The following COPS2 variants were observed in gnomAD, a reference collection of about 807,000 sequenced individuals.
COPS2 encodes the protein COP9 signalosome subunit 2.
In COPS2, 10 loss-of-function variants were observed where a neutral mutation model predicts 66.1. The observed-to-expected ratio is 0.15, with a 90% CI of 0.09 to 0.26. COPS2 has a LOEUF of 0.26. Ranked by LOEUF, COPS2 falls within the 10% of genes least tolerant of loss-of-function variation. The pLI is 1.00. For synonymous variants in COPS2, 179 were observed against 171.3 expected (o/e 1.04, Z -0.35); for missense variants, 215 against 513.3 (o/e 0.42, Z 5.62).
At chr15:49,150,487 T>C (rs1232413143) in intron 1 of COPS2, among the ~76,000 whole-genome samples, 2 of 152,052 alleles carry the variant, frequency 1.3e-5, no homozygotes, top group Non-Finnish European at 2.9e-5. Context: ...GGATGACAAA[T>C]ACGAGAGTCT....
In COPS2 at chr15:49,126,668, T is replaced by TA. The variant is rs1257382881; in HGVS notation, c.*1281dup. On this transcript the variant is annotated 3_prime_UTR_variant, in exon 13 of 13. Coordinates refer to ENST00000388901, the MANE Select transcript of COPS2 (RefSeq NM_004236.4). ...ATGAGCTGAGTTCCTTTAAGGTAGT[T>TA]ACCTTGGAAGGCCACAGTTCATTCT... 3 of 152,140 alleles carry TA rather than the reference T, an allele frequency of 2.0e-5. No homozygotes were observed. Among genetic ancestry groups the TA allele is most frequent in the Non-Finnish European group, 4.4e-5 (3 of 67,970 alleles). 9.4% of individuals were successfully genotyped at this position (152,140 alleles called of 1,614,324 possible). A position where few individuals can be genotyped will look rare whatever the true frequency, so the allele number is the denominator to read the frequency against.
chr15:49,138,426 T>C (rs1487080784), intron 4 of COPS2, among the ~76,000 whole-genome samples: 1 of 152,162 alleles, frequency 6.6e-6, no homozygotes, highest in Non-Finnish European at 1.5e-5. Flanking sequence ...ACCTTACATA[T>C]AACCACACAC....
intron 9 of COPS2, among the ~76,000 whole-genome samples, chr15:49,133,195 AG>A (rs2084226359): frequency 6.6e-6 from 1 of 151,912 alleles, no homozygotes; most frequent in Non-Finnish European, 1.5e-5. Context: ...TCACCGTGTT[AG>A]CCAGGATGGT....
chr15:49,144,913 G>A, intron 2 of COPS2, 52 bp downstream of exon 2: 3 of 964,736 alleles, frequency 3.1e-6, no homozygotes, highest in South Asian at 1.6e-5. Flanking sequence ...ATTTGTTCTA[G>A]CATATCATTA....
chr15:49,125,008 G>T lies in COPS2; in HGVS notation c.*2942C>A, dbSNP rs1447298584. 1.3e-5 allele frequency: 2 copies of T among 151,984 alleles called. No individual in the cohort carries two copies. The highest frequency in any genetic ancestry group is 6.5e-5 in the Admixed American group (1 of 15,270). The allele number at this position is 151,984 out of a possible 1,614,324, so 9.4% of individuals were successfully genotyped here. On this transcript the variant is annotated 3_prime_UTR_variant, in exon 13 of 13. Coordinates refer to ENST00000388901, the MANE Select transcript of COPS2 (RefSeq NM_004236.4). ...AGAACTGTAACTATTGATTAAAAAA[G>T]AAAATTTCCCACAAAATTTCTACCA... is the stretch of plus-strand genomic sequence containing the variant.
chr15:49,131,631 A>G (rs1345335033), intron 9 of COPS2, among the ~76,000 whole-genome samples: 1 of 152,074 alleles, frequency 6.6e-6, no homozygotes, highest in Non-Finnish European at 1.5e-5. Context: ...GTGCTTTGAC[A>G]GGAATTATTT....
chr15:49,150,822 G>C (rs1253105630), intron 1 of COPS2, among the ~76,000 whole-genome samples: 2 of 151,962 alleles, frequency 1.3e-5, no homozygotes, highest in African/African-American at 4.8e-5. Context: ...TTAGTACCTG[G>C]GTGATGAAAT....
chr15:49,127,719 A>G lies in COPS2; in HGVS notation c.*231T>C, dbSNP rs1478474047. On this transcript the variant is annotated 3_prime_UTR_variant, in exon 13 of 13. Coordinates refer to ENST00000388901, the MANE Select transcript of COPS2 (RefSeq NM_004236.4). ...GTTGTACGTTTAGGGCAAGATGTCA[A>G]TACAGCATAAATCCCATGGTATTTT... The G allele has an allele frequency of 2.3e-6, 1 of 440,030 alleles. No individual in the cohort carries two copies. The highest frequency in any genetic ancestry group is 4.0e-6 in the Non-Finnish European group (1 of 247,466). The allele number at this position is 440,030 out of a possible 1,614,324, so 27.3% of individuals were successfully genotyped here. A position where few individuals can be genotyped will look rare whatever the true frequency, so the allele number is the denominator to read the frequency against.
In COPS2 at chr15:49,128,102, G is replaced by T. The variant is rs2141121336; in HGVS notation, c.1188-8C>A. On this transcript the variant is annotated splice_region_variant and splice_polypyrimidine_tract_variant and intron_variant, in intron 12 of 12. Coordinates refer to ENST00000388901, the MANE Select transcript of COPS2 (RefSeq NM_004236.4). ...ATTCGGCCATGAATAGTGCTAGAAA[G>T]AAATAAATAAGATGTGTCTACAAAA... 6.2e-7 allele frequency: 1 copy of T among 1,610,612 alleles called. No homozygotes were observed. The highest frequency in any genetic ancestry group is 8.5e-7 in the Non-Finnish European group (1 of 1,178,238).
chr15:49,144,761 A>T (rs1052227784), intron 2 of COPS2, among the ~76,000 whole-genome samples: 4 of 152,192 alleles, frequency 2.6e-5, no homozygotes, highest in Non-Finnish European at 4.4e-5. Context: ...TTTTCAGGAC[A>T]ATGGCCCTGC....
chr15:49,148,778 A>G (rs897749023), intron 1 of COPS2, among the ~76,000 whole-genome samples: 1 of 152,226 alleles, frequency 6.6e-6, no homozygotes, highest in African/African-American at 2.4e-5. Context: ...TAAATGATGG[A>G]ATAAACACAG....
At chr15:49,147,239 G>A (rs1240242199) in intron 1 of COPS2, among the ~76,000 whole-genome samples, 1 of 152,122 alleles carries the variant, frequency 6.6e-6, no homozygotes, top group Non-Finnish European at 1.5e-5. Context: ...ATAAGATAGA[G>A]GAATAGCTTG....
chr15:49,151,099 A>C (rs2084357545), intron 1 of COPS2, among the ~76,000 whole-genome samples: 1 of 152,108 alleles, frequency 6.6e-6, no homozygotes, highest in African/African-American at 2.4e-5. Context: ...AATACATTTA[A>C]ATAATTATAT....
intron 10 of COPS2, among the ~76,000 whole-genome samples, chr15:49,129,815 A>C (rs919401823): frequency 6.6e-6 from 1 of 152,164 alleles, no homozygotes; most frequent in Admixed American, 6.5e-5. Flanking sequence ...TGCCTTCTCA[A>C]TATTACACTA....
chr15:49,133,877 A>G (rs2084233617), intron 8 of COPS2, 53 bp downstream of exon 8: 3 of 1,551,140 alleles, frequency 1.9e-6, no homozygotes, highest in Non-Finnish European at 2.6e-6. Context: ...AAAAGAAATA[A>G]CATTTATTTC....
At chr15:49,147,469 T>A (rs868376828) in intron 1 of COPS2, among the ~76,000 whole-genome samples, 22 of 152,166 alleles carry the variant, frequency 1.4e-4, no homozygotes, top group Middle Eastern at 3.4e-3. Flanking sequence ...ATGACAACAG[T>A]AGGACTAGTA....
At chr15:49,140,590 G>C (rs2084283942) in intron 3 of COPS2, among the ~76,000 whole-genome samples, 1 of 151,996 alleles carries the variant, frequency 6.6e-6, no homozygotes, top group Non-Finnish European at 1.5e-5. Flanking sequence ...AAACAAGAAA[G>C]GTCTAAAAAA....
rs1243149544 is a variant in COPS2 at position 49,124,736 on chromosome 15, AC to A, written c.*3213del. ...TATGAAGAATGAAACTCCCAGCTTT[AC>A]TTGTGTATGCTCAAGCCTCACTTCA... On this transcript the variant is annotated 3_prime_UTR_variant, in exon 13 of 13. Transcript: ENST00000388901. 2 of 152,228 alleles carry A rather than the reference AC, an allele frequency of 1.3e-5. No homozygotes were observed. The highest frequency in any genetic ancestry group is 4.8e-5 in the African/African-American group (2 of 41,458). 9.4% of individuals were successfully genotyped at this position (152,228 alleles called of 1,614,324 possible).
At chr15:49,145,373 T>C (rs578160320) in intron 1 of COPS2, among the ~76,000 whole-genome samples, 2 of 152,256 alleles carry the variant, frequency 1.3e-5, no homozygotes, top group South Asian at 2.1e-4. Flanking sequence ...CAACCTAATA[T>C]TGGTTAATGA....
Sources: allele counts gnomAD v4.1 joint callset (sites outside exome capture counted in the v4.1 genomes callset), GRCh38; gene constraint gnomAD v4.1.1; transcripts MANE v1.5; gene names NCBI Gene and HGNC (gene_info 2026-07-23, HGNC 2026-07-21).